Variants in ERICH2 observed in about 807,000 individuals in gnomAD.
ERICH2 encodes glutamate rich 2.
A neutral mutation model predicts 17.4 loss-of-function variants in ERICH2; 17 were observed. That is an observed-to-expected ratio of 0.98 (90% CI 0.67 to 1.47). The LOEUF is 1.47. Ranked by LOEUF, ERICH2 falls within the 40% of genes most tolerant of loss-of-function variation. The pLI, the probability that ERICH2 is intolerant of heterozygous loss-of-function variation, is 0.00. For synonymous variants in ERICH2, 51 were observed against 61.1 expected, an observed-to-expected ratio of 0.83 and a Z score of 0.77; for missense variants, 186 against 183.2, an observed-to-expected ratio of 1.01 and a Z score of -0.09.
intron 3 of ERICH2, among the ~76,000 whole-genome samples, chr2:170,794,929 C>T (rs533830274): frequency 5.4e-4 from 82 of 152,266 alleles, no homozygotes; most frequent in Admixed American, 2.3e-3. Context: ...CACTTTTGAC[C>T]TTTAGAGCCA....
chr2:170,774,320 C>A, the ERICH2 span, among the ~76,000 whole-genome samples: 14 of 152,160 alleles, frequency 9.2e-5, no homozygotes, highest in African/African-American at 3.4e-4. Context: ...CCAAACTTTT[C>A]TTTTAGATAA....
At chr2:170,797,446 C>G (rs1319139197) in intron 3 of ERICH2, among the ~76,000 whole-genome samples, 2 of 152,076 alleles carry the variant, frequency 1.3e-5, no homozygotes, top group Admixed American at 6.6e-5. Flanking sequence ...TGGCTACTGT[C>G]CTATGAGGGA....
At chr2:170,785,914 T>A (rs1173486052) in intron 2 of ERICH2, among the ~76,000 whole-genome samples, 1 of 152,188 alleles carries the variant, frequency 6.6e-6, no homozygotes, top group East Asian at 1.9e-4. Flanking sequence ...TAATTATTAT[T>A]ATACAACCTC....
At chr2:170,784,483 T>G (rs898638932) in intron 1 of ERICH2, among the ~76,000 whole-genome samples, 163 bp from the exon 7 acceptor site, 1 of 152,180 alleles carries the variant, frequency 6.6e-6, no homozygotes, top group African/African-American at 2.4e-5. Flanking sequence ...TGTTGAGAGA[T>G]TTAAATGAGT....
intron 3 of ERICH2, among the ~76,000 whole-genome samples, chr2:170,797,690 A>G (rs533129139): frequency 1.6e-4 from 25 of 151,798 alleles, no homozygotes; most frequent in African/African-American, 6.0e-4. Flanking sequence ...TACTCAGGAA[A>G]CTGAGGCACG....
the ERICH2 span, chr2:170,778,289 A>G: frequency 6.6e-6 from 1 of 152,164 alleles, no homozygotes; most frequent in South Asian, 2.1e-4. Context: ...CTGAAAAAAA[A>G]ATCTCTATTT....
At chr2:170,795,008 G>T (rs967045838) in intron 3 of ERICH2, among the ~76,000 whole-genome samples, 4 of 152,074 alleles carry the variant, frequency 2.6e-5, no homozygotes, top group African/African-American at 7.2e-5. Context: ...TTGAGACAGG[G>T]TCTTGCTTTG....
the ERICH2 span, among the ~76,000 whole-genome samples, chr2:170,771,843 A>G: frequency 6.6e-6 from 1 of 152,204 alleles, no homozygotes; most frequent in Non-Finnish European, 1.5e-5. This position sits in a 1 kb window ranked among gnomAD's most constrained non-coding sequence, Gnocchi z 4.8. Context: ...TTAAAGTAAC[A>G]CATGGTATAA....
At chr2:170,797,229 T>C (rs1701447828) in intron 3 of ERICH2, among the ~76,000 whole-genome samples, 2 of 152,140 alleles carry the variant, frequency 1.3e-5, no homozygotes, top group Non-Finnish European at 1.5e-5. Context: ...ATCTCTAGCA[T>C]GGAAGAGGTT....
intron 2 of ERICH2, among the ~76,000 whole-genome samples, chr2:170,792,462 T>A (rs1039444938): frequency 1.3e-5 from 2 of 152,226 alleles, no homozygotes; most frequent in Non-Finnish European, 2.9e-5. Flanking sequence ...ATATCAAATG[T>A]ACATTTTGTA....
At chr2:170,792,037 T>G (rs908705275) in intron 2 of ERICH2, among the ~76,000 whole-genome samples, 2 of 151,916 alleles carry the variant, frequency 1.3e-5, no homozygotes, top group Non-Finnish European at 2.9e-5. Context: ...TATAGGGGAT[T>G]TTTTTGTGCA....
chr2:170,797,640 A>G (rs964874567), intron 3 of ERICH2, among the ~76,000 whole-genome samples: 1 of 152,066 alleles, frequency 6.6e-6, no homozygotes, highest in African/African-American at 2.4e-5. Context: ...TCTACCAAAA[A>G]TACAAAACTT....
intron 2 of ERICH2, among the ~76,000 whole-genome samples, chr2:170,788,777 A>G (rs1360453732): frequency 2.0e-5 from 3 of 151,702 alleles, no homozygotes; most frequent in Non-Finnish European, 4.4e-5. Flanking sequence ...ACACCTGGCC[A>G]ATTTTGTAAA....
At chr2:170,791,069 C>A (rs1177255839) in intron 2 of ERICH2, among the ~76,000 whole-genome samples, 4 of 151,924 alleles carry the variant, frequency 2.6e-5, no homozygotes, top group African/African-American at 4.8e-5. Context: ...AAAAGGATGA[C>A]ATAGATATAA....
chr2:170,785,308 G>A (rs1701133227), intron 2 of ERICH2, among the ~76,000 whole-genome samples: 2 of 152,132 alleles, frequency 1.3e-5, no homozygotes, highest in Non-Finnish European at 2.9e-5. Context: ...TCCACACACA[G>A]ATGCTTACCT....
chr2:170,793,608 G>C (rs1485723762), intron 3 of ERICH2, among the ~76,000 whole-genome samples: 2 of 152,176 alleles, frequency 1.3e-5, no homozygotes, highest in Non-Finnish European at 2.9e-5. Context: ...ATAGTGAGGA[G>C]GACAGTGTAA....
chr2:170,792,807 A>T, intron 2 of ERICH2, 56 bp from the exon 8 acceptor site: 1 of 1,081,698 alleles, frequency 9.2e-7, no homozygotes, highest in East Asian at 2.7e-5. Context: ...TTTTCTAGGG[A>T]GTTTAGAGTT....
chr2:170,777,596 G>A, the ERICH2 span: 2 of 1,154,730 alleles, frequency 1.7e-6, no homozygotes, highest in Non-Finnish European at 2.2e-6. Flanking sequence ...GTGTATGTCA[G>A]GGACATCAGT....
chr2:170,788,155 A>G (rs1701198528), intron 2 of ERICH2, among the ~76,000 whole-genome samples: 1 of 152,176 alleles, frequency 6.6e-6, no homozygotes, highest in Admixed American at 6.5e-5. Context: ...AAACCTCCTT[A>G]ATATTATAAG....
Sources: allele counts gnomAD v4.1 joint callset (sites outside exome capture counted in the v4.1 genomes callset), GRCh38; gene constraint gnomAD v4.1.1; non-coding constraint Gnocchi (gnomAD v3.1); transcripts MANE v1.5; gene names NCBI Gene and HGNC (gene_info 2026-07-23, HGNC 2026-07-21).